Variants in IRAK1BP1 observed in about 807,000 individuals in gnomAD.
IRAK1BP1 encodes interleukin-1 receptor-associated kinase 1-binding protein 1.
Under a neutral mutation model 28.0 loss-of-function variants are expected in IRAK1BP1, and 24 were observed. The ratio of observed to expected loss-of-function variants is 0.86; its 90% CI spans 0.62 to 1.20. The LOEUF (loss-of-function observed/expected upper bound fraction) is 1.20. IRAK1BP1 is among the 50% of genes most tolerant of loss of function. The pLI is 0.00. For missense variants in IRAK1BP1, 336 were observed against 316.7 expected (o/e 1.06, Z -0.46); for synonymous variants, 131 against 116.3 (o/e 1.13, Z -0.81).
At chr6:78,963,099 A>G in the IRAK1BP1 span, 1 of 1,591,736 alleles carries the variant, frequency 6.3e-7, no homozygotes, top group Non-Finnish European at 8.5e-7. Flanking sequence ...TTACTTACCT[A>G]GTGTCATCAA....
intron 4 of IRAK1BP1, among the ~76,000 whole-genome samples, chr6:78,908,353 ATTT>A (rs1181675757): frequency 2.0e-5 from 3 of 151,698 alleles, no homozygotes; most frequent in Middle Eastern, 3.2e-3. Flanking sequence ...CTCGGCCATT[ATTT>A]TTTATTTTTT....
the IRAK1BP1 span, among the ~76,000 whole-genome samples, chr6:78,975,170 C>T: frequency 2.0e-5 from 3 of 151,846 alleles, no homozygotes; most frequent in Non-Finnish European, 4.4e-5. Context: ...AAAAGCTTAT[C>T]CACCATGAAC....
chr6:78,971,794 C>T, the IRAK1BP1 span, among the ~76,000 whole-genome samples: 1 of 152,180 alleles, frequency 6.6e-6, no homozygotes, highest in Non-Finnish European at 1.5e-5. Flanking sequence ...TCGGGTCACT[C>T]CCACCCGAAT....
chr6:78,970,493 G>A, the IRAK1BP1 span, among the ~76,000 whole-genome samples: 13 of 152,142 alleles, frequency 8.5e-5, no homozygotes, highest in South Asian at 1.7e-3. Context: ...CTAGAAATAC[G>A]CATCAAATTT....
At chr6:78,943,578 G>T (rs1462702443) in intron 4 of IRAK1BP1, among the ~76,000 whole-genome samples, 2 of 152,136 alleles carry the variant, frequency 1.3e-5, no homozygotes, top group East Asian at 3.8e-4. Flanking sequence ...CATTAAAAAT[G>T]AGTAAACACA....
intron 1 of IRAK1BP1, among the ~76,000 whole-genome samples, chr6:78,868,623 A>G: frequency 6.6e-6 from 1 of 152,248 alleles, no homozygotes; most frequent in East Asian, 1.9e-4. Flanking sequence ...AAATGAAGCC[A>G]TCATTTAATC....
At chr6:78,914,147 C>A (rs1189139412) in intron 4 of IRAK1BP1, among the ~76,000 whole-genome samples, 3 of 151,950 alleles carry the variant, frequency 2.0e-5, no homozygotes, top group African/African-American at 7.3e-5. Flanking sequence ...TTAATTAACT[C>A]ACTACTAGGT....
At chr6:78,955,573 G>T in the IRAK1BP1 span, 1 of 682,396 alleles carries the variant, frequency 1.5e-6, no homozygotes, top group South Asian at 1.9e-5. Flanking sequence ...TTTTTATATA[G>T]AGAATATCAA....
chr6:78,971,678 G>A, the IRAK1BP1 span, among the ~76,000 whole-genome samples: 1 of 152,158 alleles, frequency 6.6e-6, no homozygotes, highest in African/African-American at 2.4e-5. Flanking sequence ...CGCGCACCGT[G>A]TGCGAGCCGA....
Position 78,914,633 on chromosome 6 carries a change from T to C in IRAK1BP1, c.*67+11523T>C, listed in dbSNP as rs550925202. Among the ~76,000 whole-genome samples the C allele has an allele frequency of 5.9e-5, 9 of 152,338 alleles. No homozygotes were observed. The South Asian group carries it at 1.9e-3, about 32-fold the overall frequency. On this transcript the variant is annotated intron_variant and NMD_transcript_variant, in intron 4 of 4. Coordinates refer to the IRAK1BP1 transcript ENST00000606868. ...AGGCAATGCTCCTAAACAATTTCAC[T>C]GCTTCTGTGAAATATGACATATTTA...
intron 4 of IRAK1BP1, among the ~76,000 whole-genome samples, chr6:78,909,409 T>C (rs1033255034): frequency 6.6e-6 from 1 of 152,222 alleles, no homozygotes; most frequent in African/African-American, 2.4e-5. Flanking sequence ...TTCCCTGAAA[T>C]GTAAAGATTT....
downstream of IRAK1BP1, among the ~76,000 whole-genome samples, chr6:78,950,343 C>T (rs1774072071): frequency 6.6e-6 from 1 of 152,106 alleles, no homozygotes; most frequent in Non-Finnish European, 1.5e-5. Flanking sequence ...GTTTTGAGAT[C>T]AGGGGAACAC....
chr6:78,897,475 A>G (rs1040660331), intron 2 of IRAK1BP1, among the ~76,000 whole-genome samples: 6 of 152,154 alleles, frequency 3.9e-5, no homozygotes, highest in African/African-American at 1.4e-4. Context: ...GATTACTACT[A>G]ATCAGGAAGC....
At chr6:78,946,817 A>G (rs2127682858), downstream of IRAK1BP1, 2 of 1,591,738 alleles carry the variant, frequency 1.3e-6, no homozygotes, top group South Asian at 2.3e-5. Context: ...TAATCTGATA[A>G]AACTGAACTA....
chr6:78,893,076 C>T (rs1771721622), intron 2 of IRAK1BP1, among the ~76,000 whole-genome samples: 1 of 149,156 alleles, frequency 6.7e-6, no homozygotes, highest in African/African-American at 2.5e-5. Flanking sequence ...ACCCTAAGCA[C>T]AAGAAATTGA....
the IRAK1BP1 span, among the ~76,000 whole-genome samples, chr6:78,974,382 T>C: frequency 4.0e-5 from 6 of 151,548 alleles, no homozygotes; most frequent in African/African-American, 1.5e-4. Flanking sequence ...AAGCAGTGTG[T>C]AGAGGGAAAT....
chr6:78,876,472 A>G (rs1273550729), intron 1 of IRAK1BP1, among the ~76,000 whole-genome samples: 2 of 152,250 alleles, frequency 1.3e-5, no homozygotes, highest in Non-Finnish European at 1.5e-5. Context: ...AGAAATAAAC[A>G]GTAGCTTAAT....
the IRAK1BP1 span, among the ~76,000 whole-genome samples, chr6:78,959,589 C>T: frequency 6.6e-6 from 1 of 152,096 alleles, no homozygotes; most frequent in Admixed American, 6.6e-5. Flanking sequence ...AACCTACTTA[C>T]ATTGTATTGA....
chr6:78,897,570 C>T (rs1771935733), intron 2 of IRAK1BP1, among the ~76,000 whole-genome samples: 1 of 152,110 alleles, frequency 6.6e-6, no homozygotes, highest in Non-Finnish European at 1.5e-5. Flanking sequence ...GAAACTCCTT[C>T]AATTTCATTT....
Sources: gnomAD v4.1 joint callset for allele counts (sites outside exome capture counted in the v4.1 genomes callset) on GRCh38, gnomAD v4.1.1 for gene constraint, MANE v1.5 for transcripts, NCBI Gene and HGNC (gene_info 2026-07-23, HGNC 2026-07-21) for gene names.